Variants in RIT2 observed in about 807,000 individuals in gnomAD.
RIT2 encodes the protein GTP-binding protein Rit2.
Under a neutral mutation model 23.7 loss-of-function variants are expected in RIT2, and 24 were observed. The observed-to-expected ratio is 1.01, with a 90% CI of 0.73 to 1.43. The LOEUF (loss-of-function observed/expected upper bound fraction) is 1.43, where lower values mean the gene tolerates loss of function less well. RIT2 is among the 40% of genes most tolerant of loss of function. RIT2 has a pLI of 0.00. For missense variants in RIT2, 236 were observed against 266.9 expected (o/e 0.88, Z 0.81); for synonymous variants, 107 against 91.1 (o/e 1.17, Z -0.99).
intron 2 of RIT2, among the ~76,000 whole-genome samples, chr18:42,994,941 A>G (rs558929710): frequency 1.3e-5 from 2 of 152,228 alleles, no homozygotes; most frequent in African/African-American, 2.4e-5. Context: ...CCGGACTTCA[A>G]TCCGGCCTCC....
intron 2 of RIT2, among the ~76,000 whole-genome samples, chr18:43,009,928 T>C (rs1051164049): frequency 4.0e-5 from 6 of 151,746 alleles, no homozygotes; most frequent in Non-Finnish European, 7.4e-5. Context: ...CACTCTGTCA[T>C]GTTCCCCTTA....
intron 4 of RIT2, among the ~76,000 whole-genome samples, chr18:42,860,470 G>T (rs778843833): frequency 6.6e-6 from 1 of 152,156 alleles, no homozygotes; most frequent in African/African-American, 2.4e-5. Flanking sequence ...ATTTTTTCCA[G>T]TGTTCTCATT....
At chr18:42,983,050 A>T (rs946104373) in intron 2 of RIT2, among the ~76,000 whole-genome samples, 2 of 152,134 alleles carry the variant, frequency 1.3e-5, no homozygotes, top group African/African-American at 4.8e-5. Flanking sequence ...AGAAAGGAAT[A>T]GGAATTTTGA....
chr18:42,837,639 C>A (rs1336243037), intron 4 of RIT2, among the ~76,000 whole-genome samples: 1 of 152,038 alleles, frequency 6.6e-6, no homozygotes, highest in Non-Finnish European at 1.5e-5. Context: ...TAACACAGTT[C>A]TTTAGATAAG....
intron 4 of RIT2, among the ~76,000 whole-genome samples, chr18:42,869,512 T>C (rs556066907): frequency 3.3e-5 from 5 of 152,356 alleles, no homozygotes; most frequent in African/African-American, 4.8e-5. Flanking sequence ...TCACTAAGTA[T>C]TGGAAAATAC....
intron 4 of RIT2, among the ~76,000 whole-genome samples, chr18:42,848,024 G>C (rs1906955291): frequency 6.6e-6 from 1 of 151,382 alleles, no homozygotes; most frequent in Admixed American, 6.6e-5. Context: ...TTACCCAGCT[G>C]CTGGAAATGT....
At chr18:42,774,295 C>T (rs1223536273) in intron 4 of RIT2, among the ~76,000 whole-genome samples, 1 of 152,074 alleles carries the variant, frequency 6.6e-6, no homozygotes, top group Non-Finnish European at 1.5e-5. Context: ...CCACTCTCCT[C>T]CCAACTTCAT....
At chr18:43,084,502 T>C (rs1405562406) in intron 1 of RIT2, among the ~76,000 whole-genome samples, 2 of 152,174 alleles carry the variant, frequency 1.3e-5, no homozygotes. Flanking sequence ...CCATCGATTA[T>C]AGACTGGATA....
At chr18:42,963,232 A>G (rs1244641524) in intron 3 of RIT2, among the ~76,000 whole-genome samples, 1 of 152,216 alleles carries the variant, frequency 6.6e-6, no homozygotes, top group African/African-American at 2.4e-5. Flanking sequence ...TTAATAGAAA[A>G]TAGTCTTGAA....
chr18:42,837,460 C>T (rs868115478), intron 4 of RIT2, among the ~76,000 whole-genome samples: 44 of 141,342 alleles, frequency 3.1e-4, no homozygotes, highest in Non-Finnish European at 4.1e-4. Flanking sequence ...AGCCACCACA[C>T]CTGGCCTCTT....
chr18:42,947,013 C>G (rs2144166891), intron 3 of RIT2, among the ~76,000 whole-genome samples: 1 of 152,222 alleles, frequency 6.6e-6, no homozygotes, highest in South Asian at 2.1e-4. Context: ...AGTGCTATCT[C>G]TCTTTTCTTT....
chr18:42,757,034 C>T (rs1163566734), intron 4 of RIT2, among the ~76,000 whole-genome samples: 3 of 152,092 alleles, frequency 2.0e-5, no homozygotes, highest in Non-Finnish European at 4.4e-5. Context: ...AGCAACACCT[C>T]AATGCTTTGC....
At chr18:42,904,685 A>G (rs957669421) in intron 4 of RIT2, among the ~76,000 whole-genome samples, 2 of 152,150 alleles carry the variant, frequency 1.3e-5, no homozygotes, top group African/African-American at 4.8e-5. Context: ...TAGATGATAG[A>G]TTGGCATATA....
intron 1 of RIT2, among the ~76,000 whole-genome samples, chr18:43,094,253 A>G (rs1029915535): frequency 1.3e-5 from 2 of 151,886 alleles, no homozygotes; most frequent in Non-Finnish European, 2.9e-5. Flanking sequence ...CATTGAATAT[A>G]ATAGAAGTAG....
At chr18:42,928,711 C>G (rs749174532) in intron 3 of RIT2, among the ~76,000 whole-genome samples, 53 of 151,920 alleles carry the variant, frequency 3.5e-4, no homozygotes, top group Non-Finnish European at 5.1e-4. Flanking sequence ...GTTTCTCAGT[C>G]TCAATCTGAT....
chr18:42,747,802 C>CA (rs1200877533), intron 4 of RIT2, among the ~76,000 whole-genome samples: 1 of 151,962 alleles, frequency 6.6e-6, no homozygotes, highest in Non-Finnish European at 1.5e-5. Context: ...ACACCCTACT[C>CA]AACAAATGGT....
At chr18:42,949,977 G>A (rs1387003843) in intron 3 of RIT2, among the ~76,000 whole-genome samples, 1 of 151,972 alleles carries the variant, frequency 6.6e-6, no homozygotes, top group Non-Finnish European at 1.5e-5. Context: ...TCTAAGATTT[G>A]ACTTTGTGAA....
chr18:42,893,680 C>A (rs1264800832), intron 4 of RIT2, among the ~76,000 whole-genome samples: 1 of 152,096 alleles, frequency 6.6e-6, no homozygotes, highest in African/African-American at 2.4e-5. Context: ...AAATGAAACA[C>A]CACCTTTGAA....
intron 4 of RIT2, among the ~76,000 whole-genome samples, chr18:42,770,914 CAT>C (rs2143914774): frequency 6.6e-6 from 1 of 152,176 alleles, no homozygotes; most frequent in African/African-American, 2.4e-5. Flanking sequence ...CAAAGCAAAA[CAT>C]AAAATGAGGA....
Sources: gnomAD v4.1 joint callset for allele counts (sites outside exome capture counted in the v4.1 genomes callset) on GRCh38, gnomAD v4.1.1 for gene constraint, MANE v1.5 for transcripts, NCBI Gene and HGNC (gene_info 2026-07-23, HGNC 2026-07-21) for gene names.